The following ZNF831 variants were observed in gnomAD, a reference collection of about 807,000 sequenced individuals.
The protein encoded by ZNF831 is chromosome 20 open reading frame 174.
In ZNF831, 59 loss-of-function variants were observed where a neutral mutation model predicts 95.8. That is an observed-to-expected ratio of 0.62 (90% CI 0.50 to 0.77). The LOEUF is 0.77. Ranked by LOEUF, ZNF831 falls within the 30% of genes least tolerant of loss-of-function variation. ZNF831 has a pLI of 0.00. For synonymous variants in ZNF831, 961 were observed against 925.5 expected (o/e 1.04, Z -0.70); for missense variants, 2,205 against 2,164.0 (o/e 1.02, Z -0.38).
rs2146599039 is a variant in ZNF831, at chr20:59,194,412, C to A, written c.3393C>A (p.Gly1131=). ...ACCCGTGTTCCCCCCTCCAGCCTGGCTCCTTCCTCACTGCCCTCACTCGGC... is the reference window on the plus strand; with the variant it reads ...ACCCGTGTTCCCCCCTCCAGCCTGGATCCTTCCTCACTGCCCTCACTCGGC... The part of the protein sequence containing the change: ...GPDPCSPLQP[G]SFLTALTRPQ... The change falls in exon 2 of 6, where the codon GGC becomes GGA. Residue 1131 remains glycine (G), a synonymous_variant. Transcript: ENST00000371030. 1 of 1,610,688 alleles carries A rather than the reference C, an allele frequency of 6.2e-7. No homozygotes were observed. The highest frequency in any genetic ancestry group is 8.5e-7 in the Non-Finnish European group (1 of 1,178,514).
intron 1 of ZNF831, among the ~76,000 whole-genome samples, chr20:59,179,506 G>C (rs1221998754): frequency 2.0e-5 from 3 of 152,024 alleles, no homozygotes; most frequent in Non-Finnish European, 4.4e-5. Context: ...AGGCATCCTT[G>C]ATTTTTAGAG....
intron 4 of ZNF831, among the ~76,000 whole-genome samples, chr20:59,243,130 G>A (rs1243689599): frequency 1.3e-5 from 2 of 152,196 alleles, no homozygotes; most frequent in Non-Finnish European, 2.9e-5. Context: ...CTTTCCCGTT[G>A]TCTTATTTAC....
At chr20:59,151,828 C>T (rs1375528729) in intron 2 of ZNF831, among the ~76,000 whole-genome samples, 1 of 152,178 alleles carries the variant, frequency 6.6e-6, no homozygotes, top group African/African-American at 2.4e-5. Flanking sequence ...AACGCTGAAC[C>T]TTCGGGAGAC....
At chr20:59,228,751 G>A (rs1986565105) in intron 4 of ZNF831, among the ~76,000 whole-genome samples, 1 of 152,174 alleles carries the variant, frequency 6.6e-6, no homozygotes, top group African/African-American at 2.4e-5. Context: ...CATACAATGT[G>A]TAATGACCAA....
rs1983698147 is a variant in ZNF831, at chr20:59,192,708, A to C, written c.1689A>C (p.Arg563Ser). ...VPSGHPRALV[R>S]QAAVEDLPGT... ...GTGGGCATCCCCGGGCCCTGGTCAG[A>C]CAGGCCGCGGTGGAGGACCTGCCAG... Residue 563 changes from arginine to serine, a missense_variant, in exon 2 of 6, where the codon AGA (arginine) becomes AGC (serine). Physicochemically the swap from Arg to Ser is moderately radical, Grantham distance 110 (BLOSUM62 -1). Transcript: ENST00000371030. This position sits in a 1 kb window ranked among gnomAD's most constrained non-coding sequence, Gnocchi z 5.2. 1 of 1,596,740 alleles carries C rather than the reference A, an allele frequency of 6.3e-7. No individual in the cohort carries two copies. The highest frequency in any genetic ancestry group is 1.3e-5 in the African/African-American group (1 of 74,584).
rs1162267747 is a variant in ZNF831, at chr20:59,194,669, G to A, written c.3650G>A (p.Arg1217Gln). ...LAVHFPGSSL[R>Q]DEGPNGPPGS... is the part of the protein sequence containing the mutation. ...GTGCACTTTCCTGGTAGCAGCCTCC[G>A]AGATGAGGGTCCCAATGGCCCTCCT... The change falls in exon 2 of 6, where the codon CGA becomes CAA. Residue 1217 changes from arginine (R) to glutamine (Q), a missense_variant. Coordinates refer to ENST00000371030, the MANE Select transcript of ZNF831 (RefSeq NM_178457.3). The A allele has an allele frequency of 6.8e-6, 11 of 1,613,030 alleles. No homozygotes were observed. In the Admixed American group the frequency reaches 1.2e-4, roughly 17 times the overall value.
intron 1 of ZNF831, among the ~76,000 whole-genome samples, chr20:59,135,007 CT>C (rs1291360639): frequency 1.3e-5 from 2 of 152,094 alleles, no homozygotes; most frequent in Non-Finnish European, 2.9e-5. Flanking sequence ...ACATTGATTA[CT>C]GGTTCCTCTA....
chr20:59,250,745 G>T (rs557713859), intron 4 of ZNF831, among the ~76,000 whole-genome samples: 5 of 152,034 alleles, frequency 3.3e-5, no homozygotes, highest in Non-Finnish European at 7.4e-5. Flanking sequence ...ACATGGGAAA[G>T]AACTCTTAGA....
intron 4 of ZNF831, among the ~76,000 whole-genome samples, chr20:59,211,494 C>A (rs1236473643): frequency 1.3e-5 from 2 of 152,194 alleles, no homozygotes; most frequent in African/African-American, 4.8e-5. Context: ...TCATGATGGA[C>A]ACCATGGAGT....
At chr20:59,165,352 G>A (rs1443986547) in intron 1 of ZNF831, among the ~76,000 whole-genome samples, 1 of 152,184 alleles carries the variant, frequency 6.6e-6, no homozygotes, top group Non-Finnish European at 1.5e-5. Context: ...GGGGAGTGGG[G>A]CAGGAACAGA....
rs575210641 is a variant in ZNF831, at chr20:59,191,171, C to G, written c.152C>G (p.Pro51Arg). Residue 51 changes from proline (P) to arginine (R), a missense_variant, in exon 2 of 6, where the codon CCC becomes CGC. Coordinates refer to ENST00000371030, the MANE Select transcript of ZNF831 (RefSeq NM_178457.3). ...LLPPEQGLAPPTVFLKALPIP... is the reference protein window; with the variant it reads ...LLPPEQGLAPRTVFLKALPIP... Reference sequence around the variant, plus strand: ...CCGCCAGAGCAGGGCCTGGCCCCCCCCACTGTGTTCCTGAAGGCCCTGCCC... The same window carrying G: ...CCGCCAGAGCAGGGCCTGGCCCCCCGCACTGTGTTCCTGAAGGCCCTGCCC... The G allele has an allele frequency of 1.7e-5, 28 of 1,601,876 alleles. No homozygotes were observed. The highest frequency in any genetic ancestry group is 1.1e-4 in the East Asian group (5 of 44,828).
At chr20:59,247,048 A>G (rs1987647343) in intron 4 of ZNF831, among the ~76,000 whole-genome samples, 1 of 152,264 alleles carries the variant, frequency 6.6e-6, no homozygotes, top group South Asian at 2.1e-4. Flanking sequence ...TAAACAAAAA[A>G]TGTAATAGGA....
At chr20:59,185,724 G>A (rs1982973132) in intron 1 of ZNF831, among the ~76,000 whole-genome samples, 1 of 152,152 alleles carries the variant, frequency 6.6e-6, no homozygotes, top group Admixed American at 6.5e-5. Context: ...GACTGCCCTG[G>A]GGAATGGAGC....
At chr20:59,136,591 T>C (rs1321363568) in intron 1 of ZNF831, among the ~76,000 whole-genome samples, 3 of 152,210 alleles carry the variant, frequency 2.0e-5, no homozygotes, top group Non-Finnish European at 2.9e-5. Flanking sequence ...TTGCGGTAGA[T>C]ACTGTAGCTC....
chr20:59,210,856 C>T (rs1985253445), intron 4 of ZNF831, among the ~76,000 whole-genome samples: 1 of 141,150 alleles, frequency 7.1e-6, no homozygotes, highest in Non-Finnish European at 1.5e-5. Flanking sequence ...AAACCAAATC[C>T]CCCCGTCTCT....
At chr20:59,216,977 C>A (rs117895266) in intron 4 of ZNF831, among the ~76,000 whole-genome samples, 1 of 152,058 alleles carries the variant, frequency 6.6e-6, no homozygotes, top group East Asian at 1.9e-4. Context: ...AAGTGATGCT[C>A]CACCTAGAGG....
At chr20:59,185,071 C>G (rs904922857) in intron 1 of ZNF831, among the ~76,000 whole-genome samples, 1 of 147,586 alleles carries the variant, frequency 6.8e-6, no homozygotes, top group South Asian at 2.1e-4. Flanking sequence ...TGTCCCGGAC[C>G]CTTCCCTCGC....
chr20:59,136,051 C>T (rs144815618), intron 1 of ZNF831, among the ~76,000 whole-genome samples: 1 of 152,196 alleles, frequency 6.6e-6, no homozygotes, highest in Non-Finnish European at 1.5e-5. Flanking sequence ...AGCTTGTCAT[C>T]AGAATTGAAT....
chr20:59,192,762 C>T lies in ZNF831; in HGVS notation c.1743C>T (p.Pro581=), dbSNP rs61743783. ...PGTPIGDALV[P]AEDTDAKRTA... Reference sequence around the variant, plus strand: ...CCCCCATTGGCGATGCCCTGGTGCCCGCAGAGGACACAGACGCAAAGAGAA... The same window carrying T: ...CCCCCATTGGCGATGCCCTGGTGCCTGCAGAGGACACAGACGCAAAGAGAA... The change falls in exon 2 of 6, where the codon CCC becomes CCT. Residue 581 remains proline (P), a synonymous_variant. Coordinates refer to ENST00000371030, the MANE Select transcript of ZNF831 (RefSeq NM_178457.3). This position sits in a 1 kb window ranked among gnomAD's most constrained non-coding sequence, Gnocchi z 5.2. 2,714 of 1,612,270 alleles carry T rather than the reference C, an allele frequency of 1.7e-3. 17 individuals carry two copies. Among genetic ancestry groups the T allele is most frequent in the African/African-American group, 0.014 (1,080 of 75,056 alleles).
Sources: allele counts gnomAD v4.1 joint callset (sites outside exome capture counted in the v4.1 genomes callset), GRCh38; gene constraint gnomAD v4.1.1; non-coding constraint Gnocchi (gnomAD v3.1); transcripts MANE v1.5; gene names NCBI Gene and HGNC (gene_info 2026-07-23, HGNC 2026-07-21).